GCA: variants seen among roughly 807,000 people sequenced by gnomAD.
GCA encodes grancalcin, EF-hand calcium-binding protein.
A neutral mutation model predicts 32.6 loss-of-function variants in GCA; 30 were observed. That is an observed-to-expected ratio of 0.92 (90% CI 0.69 to 1.25). The LOEUF is 1.25. Ranked by LOEUF, GCA falls within the 50% of genes most tolerant of loss-of-function variation. The pLI is 0.00. For missense variants in GCA, 291 were observed against 266.8 expected, an observed-to-expected ratio of 1.09 and a Z score of -0.63; for synonymous variants, 102 against 84.6, an observed-to-expected ratio of 1.21 and a Z score of -1.13.
intron 1 of GCA, among the ~76,000 whole-genome samples, chr2:162,321,049 G>C (rs1683642954): frequency 6.6e-6 from 1 of 152,160 alleles, no homozygotes; most frequent in African/African-American, 2.4e-5. Context: ...GGTGTGGGTG[G>C]AAGGGACTTC....
chr2:162,335,918 T>C (rs1053985937), intron 1 of GCA, among the ~76,000 whole-genome samples: 1 of 152,192 alleles, frequency 6.6e-6, no homozygotes, highest in Non-Finnish European at 1.5e-5. Context: ...AATGTGTGTG[T>C]GAATTAATGA....
chr2:162,373,468 A>G (rs1227283815), downstream of GCA: 2 of 1,516,486 alleles, frequency 1.3e-6, no homozygotes, highest in Non-Finnish European at 1.8e-6. Flanking sequence ...ATCCACACTT[A>G]CTTGTGAGGA....
chr2:162,364,126 G>A (rs745337528), downstream of GCA, among the ~76,000 whole-genome samples: 76 of 151,260 alleles, frequency 5.0e-4, no homozygotes, highest in Non-Finnish European at 1.0e-3. Flanking sequence ...ATTGTGAGAG[G>A]TACCCCAATG....
chr2:162,356,335 T>G (rs779477388), intron 3 of GCA, 103 bp from the exon 4 acceptor site: 11 of 721,540 alleles, frequency 1.5e-5, no homozygotes, highest in Non-Finnish European at 2.8e-5. Context: ...TTTTATATAT[T>G]TTGGCAGTTT....
chr2:162,341,267 T>TATATATA (rs1684434944), upstream of GCA, among the ~76,000 whole-genome samples: 2 of 116,258 alleles, frequency 1.7e-5, no homozygotes, highest in African/African-American at 3.2e-5. Context: ...CTTATTTATT[T>TATATATA]TATATATATA....
At position 162,331,981 on chromosome 2, in the gene GCA, T is replaced by G. The variant is rs527864769; in HGVS notation, c.-31+12756T>G. On this transcript the variant is annotated intron_variant, in intron 1 of 4. Coordinates refer to the GCA transcript ENST00000429691. ...GGCCTGGGCATTGTCACATAATTGC[T>G]TAGAACAAATAAAACCTATTAGGCA... Among the ~76,000 whole-genome samples the G allele has an allele frequency of 2.0e-5, 3 of 152,242 alleles. No individual in the cohort carries two copies. In the South Asian group the frequency reaches 6.2e-4, roughly 32 times the overall value.
intron 2 of GCA, among the ~76,000 whole-genome samples, chr2:162,349,899 A>T (rs916508029): frequency 6.6e-6 from 1 of 152,170 alleles, no homozygotes; most frequent in Non-Finnish European, 1.5e-5. Context: ...GTAGAATTTT[A>T]TAGAACTTTA....
chr2:162,331,163 A>G (rs1163215080), intron 1 of GCA, among the ~76,000 whole-genome samples: 1 of 152,226 alleles, frequency 6.6e-6, no homozygotes, highest in African/African-American at 2.4e-5. Flanking sequence ...TGTGGCACTA[A>G]ATATACTACA....
At chr2:162,355,444 A>T (rs1685216079) in intron 3 of GCA, among the ~76,000 whole-genome samples, 1 of 152,100 alleles carries the variant, frequency 6.6e-6, no homozygotes, top group African/African-American at 2.4e-5. Flanking sequence ...AAATGTTAAG[A>T]TGTTATGGAT....
intron 1 of GCA, among the ~76,000 whole-genome samples, chr2:162,328,078 C>G (rs912695967): frequency 1.4e-4 from 21 of 152,144 alleles, no homozygotes; most frequent in African/African-American, 4.6e-4. Context: ...TGGCCAAGGC[C>G]GGAGCTGTCT....
intron 4 of GCA, among the ~76,000 whole-genome samples, chr2:162,370,772 A>G (rs2105377531): frequency 6.6e-6 from 1 of 152,056 alleles, no homozygotes; most frequent in East Asian, 1.9e-4. Flanking sequence ...ACTATTTTTT[A>G]TTTATTTTTT....
intron 1 of GCA, among the ~76,000 whole-genome samples, chr2:162,325,383 C>T (rs1296351848): frequency 6.6e-6 from 1 of 152,164 alleles, no homozygotes. Flanking sequence ...ATACTGTCTG[C>T]TCCTGGGGCC....
chr2:162,328,562 C>T (rs1430054764), intron 1 of GCA, among the ~76,000 whole-genome samples: 1 of 152,154 alleles, frequency 6.6e-6, no homozygotes, highest in Non-Finnish European at 1.5e-5. Context: ...TCTAGGGGAG[C>T]ATACACACGG....
At chr2:162,325,917 A>G (rs1384896832) in intron 1 of GCA, among the ~76,000 whole-genome samples, 2 of 152,084 alleles carry the variant, frequency 1.3e-5, no homozygotes, top group Non-Finnish European at 2.9e-5. Context: ...CCTGGACCTT[A>G]CTGGGCCCAA....
chr2:162,374,277 T>C (rs115161208), downstream of GCA, among the ~76,000 whole-genome samples: 484 of 152,274 alleles, frequency 3.2e-3, 2 homozygotes, highest in African/African-American at 0.011. Flanking sequence ...AAACTTGACT[T>C]CACTTGCTTC....
upstream of GCA, chr2:162,344,100 G>T (rs1289360022): frequency 5.2e-6 from 4 of 774,820 alleles, no homozygotes; most frequent in African/African-American, 5.1e-5. Context: ...CCTGCGGAAG[G>T]GGGCGGGTTC....
chr2:162,371,559 A>T, exon 5 of GCA: 1 of 860,722 alleles, frequency 1.2e-6, no homozygotes, highest in South Asian at 2.4e-5. Flanking sequence ...GAGTTTCCTA[A>T]CATGCATGTG....
chr2:162,353,838 T>C (rs1197134667), intron 3 of GCA, among the ~76,000 whole-genome samples: 2 of 152,178 alleles, frequency 1.3e-5, no homozygotes, highest in African/African-American at 4.8e-5. Context: ...ATTTTCTGTT[T>C]CTTGGAATGC....
At chr2:162,329,798 C>A (rs977276527) in intron 1 of GCA, among the ~76,000 whole-genome samples, 2 of 151,938 alleles carry the variant, frequency 1.3e-5, no homozygotes, top group African/African-American at 4.8e-5. Context: ...AAGCCTAGTA[C>A]CCATTCGTTA....
Sources: gnomAD v4.1 joint callset for allele counts (sites outside exome capture counted in the v4.1 genomes callset) on GRCh38, gnomAD v4.1.1 for gene constraint, MANE v1.5 for transcripts, NCBI Gene and HGNC (gene_info 2026-07-23, HGNC 2026-07-21) for gene names.